Variants in ARHGAP5 observed in about 807,000 individuals in gnomAD.
The protein encoded by ARHGAP5 is Rho GTPase activating protein 5.
ARHGAP5 carries 23 observed loss-of-function variants against 116.6 expected under a neutral mutation model. That is an observed-to-expected ratio of 0.20 (90% CI 0.14 to 0.28). The LOEUF (loss-of-function observed/expected upper bound fraction) is 0.28, where lower values mean the gene tolerates loss of function less well. ARHGAP5 is among the 10% of genes least tolerant of loss of function. ARHGAP5 has a pLI of 1.00. For missense variants in ARHGAP5, 1,405 were observed against 1,774.8 expected (o/e 0.79, Z 3.74); for synonymous variants, 574 against 602.0 (o/e 0.95, Z 0.68).
intron 3 of ARHGAP5, among the ~76,000 whole-genome samples, chr14:32,138,280 GT>G (rs1357685384): frequency 6.6e-6 from 1 of 151,984 alleles, no homozygotes; most frequent in Non-Finnish European, 1.5e-5. Flanking sequence ...GTTTTTATTT[GT>G]TTGTGGTTTG....
In ARHGAP5 at chr14:32,093,990, G is replaced by C. The variant is rs568423777; in HGVS notation, c.3321G>C (p.Glu1107Asp). 5 of 1,613,614 alleles carry C rather than the reference G, an allele frequency of 3.1e-6. 1 individual carries two copies. The South Asian group carries it at 4.4e-5, about 14-fold the overall frequency. Reference sequence around the variant, plus strand: ...TCAAACAGAAGGGCTATTCTGATGAGATTTATGTTGTCCCAGATGATAGTC... The same window carrying C: ...TCAAACAGAAGGGCTATTCTGATGACATTTATGTTGTCCCAGATGATAGTC... ...TIFKQKGYSD[E>D]IYVVPDDSQN... The change falls in exon 2 of 7, where the codon GAG becomes GAC. Residue 1107 changes from glutamate to aspartate, a missense_variant. By Grantham distance (45) the Glu-to-Asp change is conservative. This residue lies in a region of ARHGAP5 where 944 missense variants were observed against 1,095.3 expected (regional missense o/e 0.86). Transcript: ENST00000345122.
intron 1 of ARHGAP5, among the ~76,000 whole-genome samples, chr14:32,089,572 T>C (rs1021472500): frequency 1.3e-5 from 2 of 151,954 alleles, no homozygotes; most frequent in Admixed American, 1.3e-4. Context: ...TTAAAAGTTA[T>C]CTTGTGTTGC....
At chr14:32,132,386 T>C (rs886782304) in intron 3 of ARHGAP5, among the ~76,000 whole-genome samples, 12 of 152,238 alleles carry the variant, frequency 7.9e-5, no homozygotes, top group African/African-American at 2.9e-4. Context: ...ATGTCTTCTT[T>C]TGAGCAGTGT....
chr14:32,104,544 C>CT, intron 2 of ARHGAP5, among the ~76,000 whole-genome samples: 1 of 152,248 alleles, frequency 6.6e-6, no homozygotes, highest in Non-Finnish European at 1.5e-5. Flanking sequence ...CTTTTATAGG[C>CT]TTAAAAAAGG....
Position 32,090,847 on chromosome 14 carries a change from A to G in ARHGAP5, c.178A>G (p.Ile60Val). The change falls in exon 2 of 7, where the codon ATT becomes GTT. Residue 60 changes from isoleucine to valine, a missense_variant. This residue lies in a region of ARHGAP5 where 190 missense variants were observed against 314.9 expected (regional missense o/e 0.60). Coordinates refer to ENST00000345122, the MANE Select transcript of ARHGAP5 (RefSeq NM_001030055.2). Reference protein sequence around the residue: ...YPEHTSVLSTIDFGGRVVNND... With the variant: ...YPEHTSVLSTVDFGGRVVNND... ...AGAGCATACTTCTGTGCTTAGCACC[A>G]TTGACTTTGGAGGACGAGTAGTAAA... 6.2e-7 allele frequency: 1 copy of G among 1,613,652 alleles called. No individual in the cohort carries two copies.
At chr14:32,082,803 G>A (rs2041791113) in intron 1 of ARHGAP5, among the ~76,000 whole-genome samples, 1 of 152,212 alleles carries the variant, frequency 6.6e-6, no homozygotes, top group Non-Finnish European at 1.5e-5. Flanking sequence ...GCCTCTCAAA[G>A]TGTTGAGATT....
At position 32,157,708 on chromosome 14, in the gene ARHGAP5, C is replaced by G. The variant is rs1050960935; in HGVS notation, c.*2760C>G. On this transcript the variant is annotated 3_prime_UTR_variant, in exon 7 of 7. Transcript: ENST00000345122. ...GTATTTGTTAGTAGTGCTTCTTCCC[C>G]TTAACATTTACAGTGTAAATACTGC... 2.6e-5 allele frequency: 4 copies of G among 151,610 alleles called. No homozygotes were observed. Among genetic ancestry groups the G allele is most frequent in the Admixed American group, 2.6e-4 (4 of 15,238 alleles). The allele number at this position is 151,610 out of a possible 1,614,324, so 9.4% of individuals were successfully genotyped here.
rs940948600 is a variant in ARHGAP5 at position 32,156,543 on chromosome 14, T to C, written c.*1595T>C. 3 of 152,400 alleles carry C rather than the reference T, an allele frequency of 2.0e-5. No individual in the cohort carries two copies. Among genetic ancestry groups the C allele is most frequent in the African/African-American group, 4.8e-5 (2 of 41,462 alleles). 9.4% of individuals were successfully genotyped at this position (152,400 alleles called of 1,614,324 possible). A position where few individuals can be genotyped will look rare whatever the true frequency, so the allele number is the denominator to read the frequency against. On this transcript the variant is annotated 3_prime_UTR_variant, in exon 7 of 7. Coordinates refer to ENST00000345122, the MANE Select transcript of ARHGAP5 (RefSeq NM_001030055.2). ...ATTATAAATTATCTTATTTGTGTTA[T>C]ACTCTTACATGTTATCTTTTCTAAG...
At chr14:32,106,114 T>C (rs1244717183) in intron 2 of ARHGAP5, among the ~76,000 whole-genome samples, 1 of 152,104 alleles carries the variant, frequency 6.6e-6, no homozygotes, top group Non-Finnish European at 1.5e-5. Flanking sequence ...CCAGAATGGG[T>C]ATACTATTTT....
chr14:32,116,518 G>A lies in ARHGAP5; in HGVS notation c.3718-622G>A, dbSNP rs192998416. ...TGAGGCAGGAGAATGGCGTGAACCC[G>A]GGAGGCGGAGCTTGCAGTGAGCCGA... On this transcript the variant is annotated intron_variant, in intron 2 of 6. Coordinates refer to ENST00000345122, the MANE Select transcript of ARHGAP5 (RefSeq NM_001030055.2). Among the ~76,000 whole-genome samples, 246 of 152,204 alleles carry A rather than the reference G, an allele frequency of 1.6e-3. 1 individual carries two copies. Among genetic ancestry groups the A allele is most frequent in the African/African-American group, 5.4e-3 (224 of 41,534 alleles).
chr14:32,128,238 A>T (rs1338030432), intron 3 of ARHGAP5, among the ~76,000 whole-genome samples: 1 of 148,406 alleles, frequency 6.7e-6, no homozygotes, highest in African/African-American at 2.5e-5. Flanking sequence ...ATCCCAGACG[A>T]TGGGTGGCCA....
At chr14:32,110,291 G>T (rs539197738) in intron 2 of ARHGAP5, among the ~76,000 whole-genome samples, 1 of 150,880 alleles carries the variant, frequency 6.6e-6, no homozygotes, top group African/African-American at 2.4e-5. Flanking sequence ...AGAGTACTGG[G>T]GAGGGGCTGG....
At chr14:32,152,066 C>T (rs1324749754) in intron 5 of ARHGAP5, among the ~76,000 whole-genome samples, 1 of 152,174 alleles carries the variant, frequency 6.6e-6, no homozygotes, top group African/African-American at 2.4e-5. Flanking sequence ...CACCTTCTGT[C>T]AGATTAGGTG....
At chr14:32,104,470 G>A (rs1878920771) in intron 2 of ARHGAP5, among the ~76,000 whole-genome samples, 1 of 152,150 alleles carries the variant, frequency 6.6e-6, no homozygotes, top group African/African-American at 2.4e-5. Context: ...CATAAAGGGT[G>A]TGAGAGAGTC....
At chr14:32,111,575 T>C (rs933021698) in intron 2 of ARHGAP5, among the ~76,000 whole-genome samples, 1 of 152,160 alleles carries the variant, frequency 6.6e-6, no homozygotes, top group African/African-American at 2.4e-5. Flanking sequence ...TTCTATAGAT[T>C]ATTTGTATAT....
intron 1 of ARHGAP5, among the ~76,000 whole-genome samples, chr14:32,083,364 C>T (rs2041797269): frequency 6.6e-6 from 1 of 152,244 alleles, no homozygotes; most frequent in Non-Finnish European, 1.5e-5. Context: ...CATTTAAGTA[C>T]AGTCTATGAG....
At chr14:32,141,897 C>T (rs778692989) in intron 3 of ARHGAP5, among the ~76,000 whole-genome samples, 5 of 151,938 alleles carry the variant, frequency 3.3e-5, no homozygotes, top group Admixed American at 6.6e-5. Flanking sequence ...TTGAATATAC[C>T]TTATATGTGA....
At chr14:32,136,063 G>A (rs1242656062) in intron 3 of ARHGAP5, among the ~76,000 whole-genome samples, 2 of 152,162 alleles carry the variant, frequency 1.3e-5, no homozygotes, top group Non-Finnish European at 2.9e-5. Context: ...GGTTCAATAA[G>A]TTTATATACT....
Position 32,093,764 on chromosome 14 carries a change from G to T in ARHGAP5, c.3095G>T (p.Arg1032Leu). 1 of 1,614,004 alleles carries T rather than the reference G, an allele frequency of 6.2e-7. No homozygotes were observed. The highest frequency in any genetic ancestry group is 8.5e-7 in the Non-Finnish European group (1 of 1,179,968). ...ACCCCAAACTGTCATGACCATGAAC[G>T]CAACCATAAAGTGCCTCCACCTATT... ...HSTPNCHDHE[R>L]NHKVPPPIKP... The change falls in exon 2 of 7, where the codon CGC (arginine) becomes CTC (leucine). Residue 1032 changes from arginine (R) to leucine (L), a missense_variant. Arg to Leu is a moderately radical substitution (Grantham distance 102). Around this residue, in one of 6 missense-constraint regions of ARHGAP5, gnomAD observed 944 missense variants for 1,095.3 expected, o/e 0.86. Transcript: ENST00000345122.
Sources: gnomAD v4.1 joint callset for allele counts (sites outside exome capture counted in the v4.1 genomes callset) on GRCh38, gnomAD v4.1.1 for gene constraint, gnomAD v4.1.1 regional missense constraint, MANE v1.5 for transcripts, NCBI Gene and HGNC (gene_info 2026-07-23, HGNC 2026-07-21) for gene names.